The following RBM46 variants were observed in gnomAD, a reference collection of about 807,000 sequenced individuals.
RBM46 encodes the protein RNA binding motif protein 46, also known as probable RNA-binding protein 46.
RBM46 carries 12 observed loss-of-function variants against 43.3 expected under a neutral mutation model. The observed-to-expected ratio is 0.28, with a 90% CI of 0.18 to 0.45. The LOEUF (loss-of-function observed/expected upper bound fraction) is 0.45, where lower values mean the gene tolerates loss of function less well. Among genes scored for constraint, RBM46 ranks in the 20% least tolerant of loss-of-function variants. The pLI, the probability that RBM46 is intolerant of heterozygous loss-of-function variation, is 1.00. For synonymous variants in RBM46, 205 were observed against 207.6 expected (o/e 0.99, Z 0.11); for missense variants, 412 against 639.1 (o/e 0.64, Z 3.83).
At chr4:154,807,626 C>G (rs1486921369) in intron 4 of RBM46, among the ~76,000 whole-genome samples, 1 of 151,874 alleles carries the variant, frequency 6.6e-6, no homozygotes, top group African/African-American at 2.4e-5. Context: ...TAGTTAATAT[C>G]TGATATATCA....
intron 1 of RBM46, among the ~76,000 whole-genome samples, chr4:154,784,317 T>C (rs925242057): frequency 1.3e-5 from 2 of 152,238 alleles, no homozygotes; most frequent in African/African-American, 4.8e-5. Flanking sequence ...TTTTCATTAA[T>C]GTTTTGCTTA....
chr4:154,799,233 G>T lies in RBM46; in HGVS notation c.1071G>T (p.Gln357His). Residue 357 changes from glutamine to histidine, a missense_variant, in exon 4 of 5, where the codon CAG (glutamine) becomes CAT (histidine). Gln to His is a conservative substitution (Grantham distance 24). Around this residue, in one of 8 missense-constraint regions of RBM46, gnomAD observed 105 missense variants for 111.0 expected, o/e 0.95. Coordinates refer to ENST00000281722, the MANE Select transcript of RBM46 (RefSeq NM_144979.5). ...CTCTTCCTGCTCGTCTCAATGGTCA[G>T]CATAGCCCAAGTCCGCCTGAAGTTG... is the stretch of plus-strand genomic sequence containing the variant. ...LPTLPARLNG[Q>H]HSPSPPEVER... 1 of 1,614,176 alleles carries T rather than the reference G, an allele frequency of 6.2e-7. No homozygotes were observed. The highest frequency in any genetic ancestry group is 8.5e-7 in the Non-Finnish European group (1 of 1,180,014).
chr4:154,790,707 C>A (rs762949285), intron 1 of RBM46, among the ~76,000 whole-genome samples: 1 of 152,108 alleles, frequency 6.6e-6, no homozygotes, highest in African/African-American at 2.4e-5. Context: ...AAGATGTTTT[C>A]TGTTTATATT....
chr4:154,783,226 A>C (rs948929565), intron 1 of RBM46, among the ~76,000 whole-genome samples: 61 of 152,358 alleles, frequency 4.0e-4, no homozygotes, highest in African/African-American at 1.4e-3. Flanking sequence ...TTTTCACTTA[A>C]GAGGTTGGAG....
intron 1 of RBM46, among the ~76,000 whole-genome samples, chr4:154,792,125 G>T (rs1367468317): frequency 1.3e-5 from 2 of 152,026 alleles, no homozygotes; most frequent in Admixed American, 6.6e-5. Context: ...CCCAGCATTT[G>T]GGCAAACAGA....
chr4:154,812,564 C>T (rs1735232182), intron 4 of RBM46, among the ~76,000 whole-genome samples: 1 of 152,156 alleles, frequency 6.6e-6, no homozygotes, highest in African/African-American at 2.4e-5. Flanking sequence ...TCCTGGTCCC[C>T]TGTTACTTGG....
intron 4 of RBM46, among the ~76,000 whole-genome samples, chr4:154,805,747 TAA>T (rs954252855): frequency 3.9e-5 from 6 of 151,924 alleles, no homozygotes; most frequent in Admixed American, 2.0e-4. Flanking sequence ...TGCTTTGAAA[TAA>T]AGAGAAACTT....
intron 4 of RBM46, among the ~76,000 whole-genome samples, chr4:154,804,814 G>GTTTTTTTT (rs575968520): frequency 8.8e-6 from 1 of 113,250 alleles, no homozygotes; most frequent in African/African-American, 3.1e-5. Flanking sequence ...GATTAAGGTT[G>GTTTTTTTT]TTTTTTTTTT....
At position 154,827,074 on chromosome 4, in the gene RBM46, C is replaced by G. The variant is rs919056729; in HGVS notation, c.1403-794C>G. 1.9e-5 allele frequency: 22 copies of G among 1,141,854 alleles called. No homozygotes were observed. The African/African-American group carries it at 2.6e-4, about 13-fold the overall frequency. 70.7% of individuals were successfully genotyped at this position (1,141,854 alleles called of 1,614,324 possible). On this transcript the variant is annotated intron_variant, in intron 4 of 4. Transcript: ENST00000281722. ...AAGGTACAGGATTTAAAAATTTGGT[C>G]TGTAATATACACACACACATATAAA... is the stretch of plus-strand genomic sequence containing the variant.
chr4:154,818,492 T>C (rs1735572478), intron 4 of RBM46, among the ~76,000 whole-genome samples: 1 of 152,192 alleles, frequency 6.6e-6, no homozygotes, highest in Non-Finnish European at 1.5e-5. Flanking sequence ...CATCATTCCC[T>C]GTACCCAGCT....
chr4:154,815,613 ATCTT>A (rs1182454355), intron 4 of RBM46, among the ~76,000 whole-genome samples: 16 of 152,092 alleles, frequency 1.1e-4, no homozygotes, highest in Admixed American at 3.9e-4. Flanking sequence ...TTGGTGAAGT[ATCTT>A]TCTTGTTCAA....
At chr4:154,809,540 A>G (rs1020709140) in intron 4 of RBM46, among the ~76,000 whole-genome samples, 2 of 152,128 alleles carry the variant, frequency 1.3e-5, no homozygotes, top group Admixed American at 1.3e-4. Context: ...TAGTTAGCTT[A>G]CTTGTTTATC....
chr4:154,789,266 G>A (rs910784058), intron 1 of RBM46, among the ~76,000 whole-genome samples: 13 of 152,286 alleles, frequency 8.5e-5, no homozygotes, highest in African/African-American at 2.9e-4. Flanking sequence ...TTTTCAAAGG[G>A]AATGCTTCCA....
At chr4:154,816,846 C>T (rs1735468157) in intron 4 of RBM46, among the ~76,000 whole-genome samples, 1 of 152,086 alleles carries the variant, frequency 6.6e-6, no homozygotes, top group East Asian at 1.9e-4. Context: ...AAGATACTCT[C>T]TTTTATTCCT....
chr4:154,827,899 T>C lies in RBM46; in HGVS notation c.1434T>C (p.Ser478=), dbSNP rs369677757. The part of the protein sequence containing the change: ...DYNFHRSSIN[S]LSPVSATLSS... ...ATTTCCATCGCAGCTCAATAAATAG[T>C]CTTTCCCCTGTTAGTGCTACCCTCT... Residue 478 remains serine (S), a synonymous_variant, in exon 5 of 5, where the codon AGT becomes AGC. Coordinates refer to ENST00000281722, the MANE Select transcript of RBM46 (RefSeq NM_144979.5). 10 of 1,613,838 alleles carry C rather than the reference T, an allele frequency of 6.2e-6. No individual in the cohort carries two copies. The African/African-American group carries it at 1.2e-4, about 19-fold the overall frequency.
At chr4:154,819,341 G>A (rs1162783585) in intron 4 of RBM46, among the ~76,000 whole-genome samples, 2 of 152,088 alleles carry the variant, frequency 1.3e-5, no homozygotes, top group Non-Finnish European at 2.9e-5. Context: ...TTTAGTTCTA[G>A]TTTTTGTCTT....
chr4:154,781,739 C>T (rs569666801), intron 1 of RBM46: 1 of 153,178 alleles, frequency 6.5e-6, no homozygotes, highest in South Asian at 2.1e-4. Flanking sequence ...GCGCCCTGCG[C>T]TCTCCGCCTT....
chr4:154,805,155 A>T (rs1734849687), intron 4 of RBM46, among the ~76,000 whole-genome samples: 1 of 152,138 alleles, frequency 6.6e-6, no homozygotes, highest in African/African-American at 2.4e-5. Flanking sequence ...TTTCAGTGTG[A>T]CTTAGGAAGA....
chr4:154,826,874 G>T (rs1420858686), intron 4 of RBM46: 35 of 1,484,210 alleles, frequency 2.4e-5, no homozygotes, highest in African/African-American at 4.3e-5. Context: ...TATGGTGTAG[G>T]CATCATTTAT....
Sources: gnomAD v4.1 joint callset for allele counts (sites outside exome capture counted in the v4.1 genomes callset) on GRCh38, gnomAD v4.1.1 for gene constraint, gnomAD v4.1.1 regional missense constraint, MANE v1.5 for transcripts, NCBI Gene and HGNC (gene_info 2026-07-23, HGNC 2026-07-21) for gene names.